Variants in SLC25A21 observed in about 807,000 individuals in gnomAD.
SLC25A21 encodes mitochondrial 2-oxodicarboxylate carrier.
In SLC25A21, 47 loss-of-function variants were observed where a neutral mutation model predicts 43.8. That is an observed-to-expected ratio of 1.07 (90% CI 0.85 to 1.37). The LOEUF is 1.37. Ranked by LOEUF, SLC25A21 falls within the 40% of genes most tolerant of loss-of-function variation. The pLI, the probability that SLC25A21 is intolerant of heterozygous loss-of-function variation, is 0.00. For missense variants in SLC25A21, 352 were observed against 350.2 expected (o/e 1.00, Z -0.04); for synonymous variants, 131 against 121.3 (o/e 1.08, Z -0.52).
chr14:37,169,878 T>C (rs571889524), intron 1 of SLC25A21, among the ~76,000 whole-genome samples: 9 of 152,280 alleles, frequency 5.9e-5, no homozygotes, highest in African/African-American at 2.2e-4. Flanking sequence ...AATAACTCCA[T>C]AGTATTAACT....
chr14:37,087,699 A>G (rs753394451), intron 1 of SLC25A21, among the ~76,000 whole-genome samples: 1 of 152,242 alleles, frequency 6.6e-6, no homozygotes, highest in Non-Finnish European at 1.5e-5. Flanking sequence ...CAGATAATCA[A>G]CTTATCAGCT....
intron 1 of SLC25A21, among the ~76,000 whole-genome samples, chr14:37,032,971 GTTATTAAAAAA>G (rs1961251693): frequency 6.6e-6 from 1 of 152,036 alleles, no homozygotes; most frequent in African/African-American, 2.4e-5. Flanking sequence ...TAAAAAAATT[GTTATTAAAAAA>G]GAACACATAT....
intron 1 of SLC25A21, among the ~76,000 whole-genome samples, chr14:37,140,477 G>A (rs1237958213): frequency 2.0e-5 from 3 of 152,138 alleles, no homozygotes; most frequent in African/African-American, 7.2e-5. Context: ...CACTGCTTTA[G>A]TTTTCCCACC....
chr14:36,904,624 G>A (rs886192809), intron 1 of SLC25A21, among the ~76,000 whole-genome samples: 2 of 152,164 alleles, frequency 1.3e-5, no homozygotes, highest in Admixed American at 6.5e-5. Context: ...CCACATGGCT[G>A]GGGAGGCCTT....
chr14:37,152,808 G>A (rs1052696869), intron 1 of SLC25A21, among the ~76,000 whole-genome samples: 1 of 152,166 alleles, frequency 6.6e-6, no homozygotes, highest in Non-Finnish European at 1.5e-5. Context: ...AGGGAAAGTG[G>A]AGACAATAGA....
rs571660003 is a variant in SLC25A21 at position 37,123,853 on chromosome 14, G to A, written c.70+48428C>T. On this transcript the variant is annotated intron_variant, in intron 1 of 9. Coordinates refer to ENST00000331299, the MANE Select transcript of SLC25A21 (RefSeq NM_030631.4). ...AGCCTGGGTGACATAGTGAGAACTCGTCTCCATAAATAAAAATTAAATAAG... is the reference window on the plus strand; with the variant it reads ...AGCCTGGGTGACATAGTGAGAACTCATCTCCATAAATAAAAATTAAATAAG... 1.2e-4 allele frequency among the ~76,000 whole-genome samples: 19 copies of A among 152,004 alleles called. 1 individual carries two copies. The highest frequency in any genetic ancestry group is 6.2e-4 in the South Asian group (3 of 4,812).
At chr14:37,000,770 T>C (rs1012070375) in intron 1 of SLC25A21, among the ~76,000 whole-genome samples, 5 of 152,132 alleles carry the variant, frequency 3.3e-5, no homozygotes, top group Admixed American at 6.6e-5. Flanking sequence ...TGAGCTCTGA[T>C]GGTTTAAAAG....
At chr14:36,762,966 C>T (rs974781321) in intron 3 of SLC25A21, among the ~76,000 whole-genome samples, 1 of 152,128 alleles carries the variant, frequency 6.6e-6, no homozygotes, top group Non-Finnish European at 1.5e-5. Flanking sequence ...TATATAGACC[C>T]TGGTAGCTAT....
At chr14:36,682,255 C>A (rs1211209901) in intron 9 of SLC25A21, among the ~76,000 whole-genome samples, 1 of 151,378 alleles carries the variant, frequency 6.6e-6, no homozygotes, top group Non-Finnish European at 1.5e-5. Context: ...TCAGTGGTAC[C>A]TTTCTTTCTA....
chr14:36,746,104 A>C (rs1885485392), intron 3 of SLC25A21, among the ~76,000 whole-genome samples: 1 of 152,194 alleles, frequency 6.6e-6, no homozygotes, highest in Admixed American at 6.5e-5. Flanking sequence ...ACTACTGGGT[A>C]TCTACCCAAA....
At chr14:36,808,262 G>T (rs1888114808) in intron 3 of SLC25A21, among the ~76,000 whole-genome samples, 1 of 152,070 alleles carries the variant, frequency 6.6e-6, no homozygotes, top group Non-Finnish European at 1.5e-5. Context: ...GAGAGCTAAG[G>T]AACAAACAGG....
chr14:36,841,148 C>A (rs848051), intron 2 of SLC25A21, among the ~76,000 whole-genome samples: 112,729 of 152,068 alleles, frequency 0.74, 41,922 homozygotes, highest in South Asian at 0.84. Flanking sequence ...TTGTCGATTA[C>A]ATGTAGTGTG....
At chr14:36,762,697 AATCT>A (rs1886206957) in intron 3 of SLC25A21, among the ~76,000 whole-genome samples, 1 of 152,188 alleles carries the variant, frequency 6.6e-6, no homozygotes, top group African/African-American at 2.4e-5. Context: ...TGGGGACATG[AATCT>A]CTCTAAGTTT....
intron 1 of SLC25A21, among the ~76,000 whole-genome samples, chr14:36,902,620 T>C (rs1420163299): frequency 6.6e-6 from 1 of 152,228 alleles, no homozygotes; most frequent in South Asian, 2.1e-4. Flanking sequence ...TTTTGGTTTG[T>C]GCTAGTGTTA....
chr14:36,893,289 C>T (rs1355044676), intron 1 of SLC25A21, among the ~76,000 whole-genome samples: 3 of 152,212 alleles, frequency 2.0e-5, no homozygotes, highest in Admixed American at 1.3e-4. Context: ...TTGTATTTCT[C>T]TGATGGCCAG....
chr14:36,813,703 C>G (rs1452193920), intron 3 of SLC25A21, among the ~76,000 whole-genome samples: 1 of 152,172 alleles, frequency 6.6e-6, no homozygotes, highest in Admixed American at 6.5e-5. Flanking sequence ...GATTTGTCCT[C>G]TAGTCATTAA....
chr14:36,851,605 G>A (rs978877237), intron 2 of SLC25A21, among the ~76,000 whole-genome samples: 1 of 152,134 alleles, frequency 6.6e-6, no homozygotes, highest in Admixed American at 6.5e-5. Context: ...GAATGTGGCT[G>A]CTTATAAAAT....
intron 2 of SLC25A21, among the ~76,000 whole-genome samples, chr14:36,835,507 C>T (rs780409311): frequency 2.0e-5 from 3 of 152,166 alleles, no homozygotes; most frequent in Non-Finnish European, 2.9e-5. Context: ...GCTGCAGAAA[C>T]CTTTCATTGG....
At chr14:36,779,604 GTATACATATATA>G (rs1442249559) in intron 3 of SLC25A21, among the ~76,000 whole-genome samples, 13 of 51,894 alleles carry the variant, frequency 2.5e-4, no homozygotes, top group Admixed American at 2.3e-3. Flanking sequence ...ATGTATATGT[GTATACATATATA>G]TATATATATA....
Sources: gnomAD v4.1 joint callset for allele counts (sites outside exome capture counted in the v4.1 genomes callset) on GRCh38, gnomAD v4.1.1 for gene constraint, MANE v1.5 for transcripts, NCBI Gene and HGNC (gene_info 2026-07-23, HGNC 2026-07-21) for gene names.